The following ARF4 variants were observed in gnomAD, a reference collection of about 807,000 sequenced individuals.
ARF4 encodes ADP-ribosylation factor 4.
ARF4 carries 5 observed loss-of-function variants against 24.3 expected under a neutral mutation model. That is an observed-to-expected ratio of 0.21 (90% CI 0.11 to 0.43). ARF4 has a LOEUF of 0.43. Ranked by LOEUF, ARF4 falls within the 20% of genes least tolerant of loss-of-function variation. The pLI, the probability that ARF4 is intolerant of heterozygous loss-of-function variation, is 1.00. For synonymous variants in ARF4, 62 were observed against 73.5 expected, an observed-to-expected ratio of 0.84 and a Z score of 0.80; for missense variants, 107 against 213.0, an observed-to-expected ratio of 0.50 and a Z score of 3.10.
At chr3:57,578,922 G>GAAA (rs886074287) in intron 3 of ARF4, among the ~76,000 whole-genome samples, 1 of 151,578 alleles carries the variant, frequency 6.6e-6, no homozygotes, top group African/African-American at 2.4e-5. Context: ...TAATAAAAAA[G>GAAA]AAAAAAAGAT....
chr3:57,589,850 T>C (rs992932371), intron 1 of ARF4, among the ~76,000 whole-genome samples: 1 of 151,302 alleles, frequency 6.6e-6, no homozygotes, highest in Non-Finnish European at 1.5e-5. Flanking sequence ...CCCAGCACTT[T>C]AGGAGGCCGA....
chr3:57,594,620 T>G (rs889275470), intron 1 of ARF4, among the ~76,000 whole-genome samples: 1 of 152,236 alleles, frequency 6.6e-6, no homozygotes, highest in African/African-American at 2.4e-5. Flanking sequence ...AACTTCTCCA[T>G]AGTAGTTTGG....
Position 57,597,197 on chromosome 3 carries a change from C to A in ARF4, c.-57G>T, listed in dbSNP as rs1319393791. On this transcript the variant is annotated 5_prime_UTR_variant, in exon 1 of 6. Coordinates refer to ENST00000303436, the MANE Select transcript of ARF4 (RefSeq NM_001660.4). ...AGAAGGGGTTTGGGGCGACCCCGTG[C>A]TTTCTCCTTTCAAGCTCCCAGGCAA... is the stretch of plus-strand genomic sequence containing the variant. 6.6e-7 allele frequency: 1 copy of A among 1,518,470 alleles called. No homozygotes were observed. The allele number at this position is 1,518,470 out of a possible 1,614,324, so 94.1% of individuals were successfully genotyped here. A position where few individuals can be genotyped will look rare whatever the true frequency, so the allele number is the denominator to read the frequency against.
At chr3:57,573,058 C>T (rs1477243116) in intron 5 of ARF4, among the ~76,000 whole-genome samples, 3 of 151,700 alleles carry the variant, frequency 2.0e-5, no homozygotes, top group South Asian at 2.1e-4. Context: ...AAAAATTAGC[C>T]GGGCGTGGTG....
At chr3:57,584,105 C>A (rs1575784560) in intron 2 of ARF4, 98 bp from the exon 3 acceptor site, 14 of 849,582 alleles carry the variant, frequency 1.6e-5, no homozygotes, top group Non-Finnish European at 2.4e-5. Context: ...TAAAGTACTT[C>A]TTTTTATTTT....
chr3:57,584,165 G>A, intron 2 of ARF4, 158 bp from the exon 3 acceptor site: 2 of 699,208 alleles, frequency 2.9e-6, no homozygotes, highest in Non-Finnish European at 4.8e-6. Flanking sequence ...GCCTCATTAT[G>A]TTATGCAGGC....
In ARF4 at chr3:57,596,828, A is replaced by G. The variant is rs936102215; in HGVS notation, c.67+246T>C. ...CAGCTTTCAATAAGATCAAGGAGAA[A>G]AAGCCGAGTCCAGAAAGAAATCTTG... On this transcript the variant is annotated intron_variant, in intron 1 of 5. Coordinates refer to ENST00000303436, the MANE Select transcript of ARF4 (RefSeq NM_001660.4). 15 of 505,422 alleles carry G rather than the reference A, an allele frequency of 3.0e-5. No homozygotes were observed. In the Admixed American group the frequency reaches 4.0e-4, roughly 14 times the overall value. The allele number at this position is 505,422 out of a possible 1,614,324, so 31.3% of individuals were successfully genotyped here.
At chr3:57,585,531 G>T (rs1259644637) in intron 1 of ARF4, among the ~76,000 whole-genome samples, 1 of 151,944 alleles carries the variant, frequency 6.6e-6, no homozygotes, top group Non-Finnish European at 1.5e-5. Flanking sequence ...CGAGTTAATG[G>T]GTGCAGCACA....
At chr3:57,576,513 T>C in intron 4 of ARF4, among the ~76,000 whole-genome samples, 1 of 150,562 alleles carries the variant, frequency 6.6e-6, no homozygotes, top group African/African-American at 2.4e-5. Flanking sequence ...GCTTTTTTTT[T>C]TTTTTTTTTT....
intron 1 of ARF4, among the ~76,000 whole-genome samples, chr3:57,588,999 G>C (rs147909666): frequency 3.3e-5 from 5 of 152,230 alleles, no homozygotes; most frequent in African/African-American, 9.6e-5. Flanking sequence ...CTACTCGGGA[G>C]GCTGAGGCAG....
intron 5 of ARF4, 141 bp from the exon 6 acceptor site, chr3:57,572,439 G>T: frequency 1.6e-6 from 1 of 618,374 alleles, no homozygotes; most frequent in Non-Finnish European, 2.8e-6. Flanking sequence ...GCTACTTCTG[G>T]CTGGGCGTGG....
intron 1 of ARF4, among the ~76,000 whole-genome samples, chr3:57,589,960 G>A (rs1432286738): frequency 2.5e-4 from 35 of 141,552 alleles, no homozygotes; most frequent in Admixed American, 2.0e-3. Flanking sequence ...GCATGGTGGC[G>A]GGCGCCTGTA....
intron 1 of ARF4, among the ~76,000 whole-genome samples, chr3:57,586,236 TCA>T (rs1287224749): frequency 6.6e-6 from 1 of 152,194 alleles, no homozygotes; most frequent in East Asian, 1.9e-4. Flanking sequence ...GTTTATCTTA[TCA>T]CAGATTTTTG....
At chr3:57,582,433 G>A (rs2069986584) in intron 3 of ARF4, among the ~76,000 whole-genome samples, 1 of 94,888 alleles carries the variant, frequency 1.1e-5, no homozygotes, top group South Asian at 5.0e-4. Flanking sequence ...AGTAAAGACG[G>A]GGTTTCACTG....
At chr3:57,585,655 T>C (rs1433342446) in intron 1 of ARF4, among the ~76,000 whole-genome samples, 3 of 135,034 alleles carry the variant, frequency 2.2e-5, no homozygotes, top group African/African-American at 5.7e-5. Context: ...ATATAAGTAA[T>C]ATCTAAATTC....
chr3:57,573,096 G>A (rs2069859768), intron 5 of ARF4, among the ~76,000 whole-genome samples: 1 of 151,690 alleles, frequency 6.6e-6, no homozygotes, highest in Non-Finnish European at 1.5e-5. Context: ...CAGCTACTCA[G>A]GAGGCTGAGG....
chr3:57,596,951 C>T lies in ARF4; in HGVS notation c.67+123G>A, dbSNP rs935418553. 3.8e-6 allele frequency: 4 copies of T among 1,050,702 alleles called. No individual in the cohort carries two copies. The African/African-American group carries it at 6.5e-5, about 17-fold the overall frequency. The allele number at this position is 1,050,702 out of a possible 1,614,324, so 65.1% of individuals were successfully genotyped here. A position where few individuals can be genotyped will look rare whatever the true frequency, so the allele number is the denominator to read the frequency against. On this transcript the variant is annotated intron_variant, in intron 1 of 5. Coordinates refer to ENST00000303436, the MANE Select transcript of ARF4 (RefSeq NM_001660.4). ...GTTCCCCCTTAAGAATTCCTTCCGACCCCCGACCCGGCGCCCCTCCCCCAC... is the reference window on the plus strand; with the variant it reads ...GTTCCCCCTTAAGAATTCCTTCCGATCCCCGACCCGGCGCCCCTCCCCCAC...
At chr3:57,590,338 T>C (rs1431951736) in intron 1 of ARF4, among the ~76,000 whole-genome samples, 3 of 150,532 alleles carry the variant, frequency 2.0e-5, no homozygotes, top group Non-Finnish European at 4.4e-5. Flanking sequence ...ATACAAAAAT[T>C]AGCCGGGCGC....
intron 3 of ARF4, among the ~76,000 whole-genome samples, chr3:57,579,328 C>T (rs2069944130): frequency 1.4e-5 from 2 of 144,112 alleles, no homozygotes; most frequent in Non-Finnish European, 1.5e-5. Flanking sequence ...TTTTTTTTCA[C>T]CCAGGCTGGA....
Sources: allele counts gnomAD v4.1 joint callset (sites outside exome capture counted in the v4.1 genomes callset), GRCh38; gene constraint gnomAD v4.1.1; transcripts MANE v1.5; gene names NCBI Gene and HGNC (gene_info 2026-07-23, HGNC 2026-07-21).